Variants in AFG2A observed in about 807,000 individuals in gnomAD.
The protein encoded by AFG2A is AAA ATPase AFG2A.
chr4:123,201,281 G>A, the AFG2A span, among the ~76,000 whole-genome samples: 1 of 152,138 alleles, frequency 6.6e-6, no homozygotes, highest in Non-Finnish European at 1.5e-5. Context: ...AAATATGGAC[G>A]TAAGAGTCTT....
the AFG2A span, among the ~76,000 whole-genome samples, chr4:123,041,967 T>C: frequency 6.6e-6 from 1 of 152,228 alleles, no homozygotes; most frequent in East Asian, 1.9e-4. Flanking sequence ...TTGAATATGA[T>C]GCAAGGCAGT....
chr4:123,250,285 A>G, the AFG2A span, among the ~76,000 whole-genome samples: 105 of 152,226 alleles, frequency 6.9e-4, no homozygotes, highest in Non-Finnish European at 9.7e-4. Context: ...TTCATGTGAA[A>G]TACCAGATGT....
At chr4:123,006,670 T>C in the AFG2A span, among the ~76,000 whole-genome samples, 5 of 152,150 alleles carry the variant, frequency 3.3e-5, no homozygotes, top group African/African-American at 1.2e-4. Context: ...ATTGTGGACA[T>C]TGTAGTTTTC....
the AFG2A span, among the ~76,000 whole-genome samples, chr4:123,308,891 C>T: frequency 6.6e-6 from 1 of 152,182 alleles, no homozygotes; most frequent in Non-Finnish European, 1.5e-5. Context: ...TGTTGCTGCC[C>T]TTTGACCCAT....
At chr4:122,933,357 C>A in the AFG2A span, 1 of 1,050,992 alleles carries the variant, frequency 9.5e-7, no homozygotes, top group Non-Finnish European at 1.4e-6. Context: ...TATATTATAA[C>A]CATATACATG....
the AFG2A span, among the ~76,000 whole-genome samples, chr4:123,136,889 G>A: frequency 6.6e-6 from 1 of 151,968 alleles, no homozygotes; most frequent in Non-Finnish European, 1.5e-5. Context: ...GTTGTTGGGT[G>A]CAGTGTTTTA....
chr4:123,253,398 T>C, the AFG2A span, among the ~76,000 whole-genome samples: 117,857 of 151,368 alleles, frequency 0.78, 46,620 homozygotes, highest in Non-Finnish European at 0.85. Flanking sequence ...GCAGGAGAAT[T>C]GCTCGAACCC....
the AFG2A span, among the ~76,000 whole-genome samples, chr4:123,218,271 G>A: frequency 6.6e-6 from 1 of 152,144 alleles, no homozygotes; most frequent in African/African-American, 2.4e-5. Flanking sequence ...ATAAAAGTAG[G>A]CAATGGATGG....
At chr4:123,066,549 T>C in the AFG2A span, among the ~76,000 whole-genome samples, 18 of 152,152 alleles carry the variant, frequency 1.2e-4, no homozygotes, top group Non-Finnish European at 2.1e-4. Flanking sequence ...CTGTTTCATA[T>C]ATTATCAGGA....
the AFG2A span, among the ~76,000 whole-genome samples, chr4:123,302,480 C>T: frequency 6.6e-6 from 1 of 152,124 alleles, no homozygotes; most frequent in African/African-American, 2.4e-5. Flanking sequence ...ATTGTCCCAG[C>T]AGGAGCTGCC....
the AFG2A span, among the ~76,000 whole-genome samples, chr4:122,951,509 C>A: frequency 6.6e-5 from 10 of 151,962 alleles, no homozygotes; most frequent in African/African-American, 2.4e-4. Flanking sequence ...TTGATGAAGA[C>A]AATATTTATT....
chr4:123,077,724 G>A, the AFG2A span, among the ~76,000 whole-genome samples: 1 of 152,172 alleles, frequency 6.6e-6, no homozygotes, highest in Non-Finnish European at 1.5e-5. Context: ...GCCCCTGAGG[G>A]AGGTAGATGA....
the AFG2A span, among the ~76,000 whole-genome samples, chr4:122,928,573 C>A: frequency 2.0e-5 from 3 of 152,106 alleles, no homozygotes; most frequent in African/African-American, 7.2e-5. Flanking sequence ...ATTTTCGCTC[C>A]TCCCTCTTAA....
At chr4:122,995,647 T>G in the AFG2A span, among the ~76,000 whole-genome samples, 1,765 of 152,330 alleles carry the variant, frequency 0.012, 14 homozygotes, top group Middle Eastern at 0.078. Context: ...TCAGCTCTGA[T>G]CCTGATTAAC....
At chr4:123,150,426 G>A in the AFG2A span, among the ~76,000 whole-genome samples, 1 of 152,156 alleles carries the variant, frequency 6.6e-6, no homozygotes, top group East Asian at 1.9e-4. Context: ...CTTCAGCAAA[G>A]TCCCAGGATA....
the AFG2A span, among the ~76,000 whole-genome samples, chr4:123,002,805 G>T: frequency 1.3e-5 from 2 of 152,150 alleles, no homozygotes; most frequent in Non-Finnish European, 2.9e-5. Context: ...TTCTCGAGGA[G>T]TATCTTTGTT....
At chr4:123,178,862 A>G in the AFG2A span, among the ~76,000 whole-genome samples, 1 of 152,222 alleles carries the variant, frequency 6.6e-6, no homozygotes, top group Middle Eastern at 3.2e-3. Context: ...AATGGTATTT[A>G]ATTCCACATG....
chr4:123,141,303 G>T, the AFG2A span, among the ~76,000 whole-genome samples: 1 of 152,066 alleles, frequency 6.6e-6, no homozygotes, highest in Non-Finnish European at 1.5e-5. Flanking sequence ...GCATTGACTA[G>T]GAAGTTAAAA....
the AFG2A span, among the ~76,000 whole-genome samples, chr4:123,169,966 C>G: frequency 6.6e-6 from 1 of 152,100 alleles, no homozygotes; most frequent in East Asian, 1.9e-4. Flanking sequence ...TCAAGAAAAG[C>G]TATATAAGGA....
Sources: gnomAD v4.1 joint callset for allele counts (sites outside exome capture counted in the v4.1 genomes callset) on GRCh38, gnomAD v4.1.1 for gene constraint, MANE v1.5 for transcripts, NCBI Gene and HGNC (gene_info 2026-07-23, HGNC 2026-07-21) for gene names.